Variants in TMED2 observed in about 807,000 individuals in gnomAD.
TMED2 encodes transmembrane p24 trafficking protein 2.
TMED2 carries 3 observed loss-of-function variants against 17.5 expected under a neutral mutation model. That is an observed-to-expected ratio of 0.17 (90% confidence interval 0.08 to 0.44). The LOEUF (loss-of-function observed/expected upper bound fraction) is 0.44. Ranked by LOEUF, TMED2 falls within the 20% of genes least tolerant of loss-of-function variation. The pLI is 0.99. For missense variants in TMED2, 149 were observed against 254.8 expected (o/e 0.58, Z 2.83); for synonymous variants, 95 against 91.0 (o/e 1.04, Z -0.25).
At chr12:123,596,461 C>T in intron 3 of TMED2, 144 bp from the exon 4 acceptor site, 2 of 1,049,506 alleles carry the variant, frequency 1.9e-6, no homozygotes, top group Non-Finnish European at 2.6e-6. Flanking sequence ...GGATGTAACC[C>T]CATCGTAAGT....
At chr12:123,595,036 C>T (rs1258950383) in intron 3 of TMED2, among the ~76,000 whole-genome samples, 1 of 152,100 alleles carries the variant, frequency 6.6e-6, no homozygotes, top group East Asian at 1.9e-4. Context: ...CAAGACCAGC[C>T]TGACCAACAT....
chr12:123,594,588 A>G (rs1029117205), intron 3 of TMED2, among the ~76,000 whole-genome samples: 1 of 152,006 alleles, frequency 6.6e-6, no homozygotes, highest in Non-Finnish European at 1.5e-5. Context: ...GACCGTTTTT[A>G]AAAAAATAAA....
At chr12:123,590,050 A>C (rs1272167916) in intron 2 of TMED2, among the ~76,000 whole-genome samples, 2 of 151,906 alleles carry the variant, frequency 1.3e-5, no homozygotes, top group African/African-American at 4.8e-5. Context: ...TGGGAGGCTC[A>C]AGCAGGTGGA....
chr12:123,592,446 CTT>C (rs1953398911), intron 3 of TMED2, among the ~76,000 whole-genome samples: 1 of 3,182 alleles, frequency 3.1e-4, no homozygotes, highest in African/African-American at 3.4e-4. Context: ...AAGCACATGT[CTT>C]CCGTCTTTAG....
chr12:123,595,397 C>G lies in TMED2; in HGVS notation c.482-1208C>G, dbSNP rs572622543. 2.4e-4 allele frequency among the ~76,000 whole-genome samples: 36 copies of G among 152,186 alleles called. No homozygotes were observed. The East Asian group carries it at 6.2e-3, about 26-fold the overall frequency. On this transcript the variant is annotated intron_variant, in intron 3 of 3. Transcript: ENST00000262225. ...TATTTGATGGTCTGGTAGTAACTGTCAGTATGGATCCATATAACTGAGTAA... is the reference window on the plus strand; with the variant it reads ...TATTTGATGGTCTGGTAGTAACTGTGAGTATGGATCCATATAACTGAGTAA...
rs528163678 is a variant in TMED2 at position 123,593,158 on chromosome 12, G to T, written c.481+2709G>T. Among the ~76,000 whole-genome samples the T allele has an allele frequency of 1.1e-4, 17 of 152,272 alleles. No homozygotes were observed. The South Asian group carries it at 2.9e-3, about 26-fold the overall frequency. On this transcript the variant is annotated intron_variant, in intron 3 of 3. Coordinates refer to ENST00000262225, the MANE Select transcript of TMED2 (RefSeq NM_006815.4). ...GCCTAGGCTGGTCTTGAACTCGTGG[G>T]CTTGAGTGATCCACCTGCCTCTGCC...
chr12:123,586,945 A>G lies in TMED2; in HGVS notation c.373+6A>G, dbSNP rs1953352202. 6.3e-7 allele frequency: 1 copy of G among 1,579,518 alleles called. No homozygotes were observed. Among genetic ancestry groups the G allele is most frequent in the Non-Finnish European group, 8.6e-7 (1 of 1,160,896 alleles). On this transcript the variant is annotated splice_donor_region_variant and intron_variant, in intron 2 of 3. Transcript: ENST00000262225. ...ACAAGATATGGAAACAGAAGGTGAG[A>G]TGAACATTCAGAAGATTTACATCAC...
intron 3 of TMED2, among the ~76,000 whole-genome samples, chr12:123,594,735 A>G (rs1593641441): frequency 6.6e-6 from 1 of 151,074 alleles, no homozygotes; most frequent in Non-Finnish European, 1.5e-5. Context: ...TAAAAATACA[A>G]AATTAGTCAG....
Position 123,597,367 on chromosome 12 carries a change from C to T in TMED2, c.*638C>T, listed in dbSNP as rs2135665974. 6.6e-6 allele frequency: 1 copy of T among 152,346 alleles called. No individual in the cohort carries two copies. The highest frequency in any genetic ancestry group is 2.4e-5 in the African/African-American group (1 of 41,576). 9.4% of individuals were successfully genotyped at this position (152,346 alleles called of 1,614,324 possible). Reference sequence around the variant, plus strand: ...CAGTCATCTCCACTTAAATTGATGACACAAGCAGCTAATAACCATTTCTGG... The same window carrying T: ...CAGTCATCTCCACTTAAATTGATGATACAAGCAGCTAATAACCATTTCTGG... On this transcript the variant is annotated 3_prime_UTR_variant, in exon 4 of 4. Coordinates refer to ENST00000262225, the MANE Select transcript of TMED2 (RefSeq NM_006815.4).
chr12:123,591,768 G>A (rs1953394313), intron 3 of TMED2, among the ~76,000 whole-genome samples: 2 of 151,808 alleles, frequency 1.3e-5, no homozygotes, highest in African/African-American at 4.8e-5. Flanking sequence ...GCGACAGAGC[G>A]AGACTCTGTC....
At chr12:123,596,301 G>A (rs1953430586) in intron 3 of TMED2, among the ~76,000 whole-genome samples, 1 of 152,164 alleles carries the variant, frequency 6.6e-6, no homozygotes, top group Non-Finnish European at 1.5e-5. Flanking sequence ...AATAATCTTT[G>A]TGTTGTTAGA....
intron 2 of TMED2, among the ~76,000 whole-genome samples, chr12:123,589,166 G>T: frequency 6.6e-6 from 1 of 152,152 alleles, no homozygotes; most frequent in African/African-American, 2.4e-5. Flanking sequence ...GGTTCAAGAG[G>T]GATGCCTGGT....
At chr12:123,585,032 G>C (rs1423068776) in intron 1 of TMED2, 1 of 579,260 alleles carries the variant, frequency 1.7e-6, no homozygotes, top group Non-Finnish European at 3.0e-6. Flanking sequence ...GGGATCCCTT[G>C]GGGGCTCCTT....
At chr12:123,588,346 T>C (rs1953367355) in intron 2 of TMED2, among the ~76,000 whole-genome samples, 1 of 152,194 alleles carries the variant, frequency 6.6e-6, no homozygotes, top group Non-Finnish European at 1.5e-5. Flanking sequence ...AGTTGTTTGG[T>C]TGGATTTTGA....
intron 2 of TMED2, chr12:123,587,558 G>A: frequency 3.2e-6 from 4 of 1,253,194 alleles, no homozygotes. Context: ...GACTAGTTTA[G>A]CTAAACTTTT....
Position 123,584,586 on chromosome 12 carries a change from GGC to G in TMED2, c.-49_-48del. 1 of 1,568,580 alleles carries G rather than the reference GGC, an allele frequency of 6.4e-7. No individual in the cohort carries two copies. Among genetic ancestry groups the G allele is most frequent in the South Asian group, 1.1e-5 (1 of 88,678 alleles). On this transcript the variant is annotated 5_prime_UTR_variant, in exon 1 of 4. Transcript: ENST00000262225. ...GCGGGGCGGCGGCGGCGGCGGCGGCGGCGGCTGTGGAGGCCGCAGTCCGGGTC... is the reference window on the plus strand; with the variant it reads ...GCGGGGCGGCGGCGGCGGCGGCGGCGGGCTGTGGAGGCCGCAGTCCGGGTC...
chr12:123,587,068 G>C (rs1012121032), intron 2 of TMED2, 129 bp downstream of exon 2: 8 of 896,308 alleles, frequency 8.9e-6, no homozygotes, highest in Non-Finnish European at 1.2e-5. Context: ...TGTGAAATAC[G>C]CTTTTTATTT....
chr12:123,586,630 G>A (rs1953348072), intron 1 of TMED2, 117 bp from the exon 2 acceptor site: 10 of 1,097,274 alleles, frequency 9.1e-6, no homozygotes, highest in Admixed American at 6.4e-5. Context: ...GATTACAGGC[G>A]TGAGCCACCA....
intron 2 of TMED2, among the ~76,000 whole-genome samples, chr12:123,590,108 C>A (rs1953380256): frequency 6.6e-6 from 1 of 151,784 alleles, no homozygotes; most frequent in African/African-American, 2.4e-5. Context: ...CATGGTGAAA[C>A]CCCGTCTCTA....
Sources: allele counts gnomAD v4.1 joint callset (sites outside exome capture counted in the v4.1 genomes callset), GRCh38; gene constraint gnomAD v4.1.1; transcripts MANE v1.5; gene names NCBI Gene and HGNC (gene_info 2026-07-23, HGNC 2026-07-21).